Variants in FBXL17 observed in about 807,000 individuals in gnomAD.
The protein encoded by FBXL17 is F-box/LRR-repeat protein 17.
FBXL17 carries 22 observed loss-of-function variants against 66.2 expected under a neutral mutation model. The ratio of observed to expected loss-of-function variants is 0.33; its 90% CI spans 0.24 to 0.47. The LOEUF is 0.47. Ranked by LOEUF, FBXL17 falls within the 20% of genes least tolerant of loss-of-function variation. FBXL17 has a pLI of 1.00. For missense variants in FBXL17, 878 were observed against 948.2 expected (o/e 0.93, Z 0.97); for synonymous variants, 474 against 400.5 (o/e 1.18, Z -2.19).
chr5:108,024,890 G>C (rs755312851), intron 6 of FBXL17, among the ~76,000 whole-genome samples: 1 of 152,040 alleles, frequency 6.6e-6, no homozygotes, highest in Non-Finnish European at 1.5e-5. Flanking sequence ...TCAGTGGAGG[G>C]AAAATCTGTC....
intron 7 of FBXL17, among the ~76,000 whole-genome samples, chr5:107,944,370 T>C (rs1314506326): frequency 6.6e-6 from 1 of 152,180 alleles, no homozygotes; most frequent in East Asian, 1.9e-4. Flanking sequence ...AATTCTTCTA[T>C]GTGTCTGCTC....
At chr5:108,077,885 C>T (rs6871109) in intron 6 of FBXL17, among the ~76,000 whole-genome samples, 51,445 of 151,824 alleles carry the variant, frequency 0.34, 8,966 homozygotes, top group Admixed American at 0.42. Context: ...TCTTAAAGCC[C>T]TGAAAATGGA....
chr5:108,344,799 A>T (rs899803905), intron 4 of FBXL17, among the ~76,000 whole-genome samples: 4 of 152,210 alleles, frequency 2.6e-5, no homozygotes, highest in African/African-American at 4.8e-5. Context: ...TGCTCAAACT[A>T]AATATGACTT....
chr5:108,246,571 A>C (rs1756106526), intron 4 of FBXL17, among the ~76,000 whole-genome samples: 1 of 152,216 alleles, frequency 6.6e-6, no homozygotes. Flanking sequence ...TTGCATCCAG[A>C]GTCAAAAGGA....
chr5:107,978,072 A>G (rs1347416789), intron 7 of FBXL17, among the ~76,000 whole-genome samples: 1 of 152,200 alleles, frequency 6.6e-6, no homozygotes, highest in East Asian at 1.9e-4. Context: ...TTATTCAGTC[A>G]GCCTGCAGTG....
At chr5:107,869,188 C>A (rs1250398000) in intron 8 of FBXL17, among the ~76,000 whole-genome samples, 1 of 152,158 alleles carries the variant, frequency 6.6e-6, no homozygotes, top group African/African-American at 2.4e-5. Context: ...CTGCTAACAG[C>A]CCCAGAGGCT....
At chr5:108,205,723 T>TTTTTG (rs978095445) in intron 5 of FBXL17, among the ~76,000 whole-genome samples, 8 of 152,106 alleles carry the variant, frequency 5.3e-5, no homozygotes, top group Admixed American at 2.0e-4. Context: ...AGATTCAGGC[T>TTTTTG]TTTTGTTTTG....
chr5:108,006,961 G>A (rs1753949651), intron 7 of FBXL17, among the ~76,000 whole-genome samples: 1 of 152,172 alleles, frequency 6.6e-6, no homozygotes, highest in Admixed American at 6.5e-5. Context: ...GAATTTTGAA[G>A]ACATCAGGAG....
chr5:108,207,048 CATCA>C (rs1444766232), intron 5 of FBXL17, among the ~76,000 whole-genome samples: 3 of 152,098 alleles, frequency 2.0e-5, no homozygotes, highest in African/African-American at 4.8e-5. Flanking sequence ...CAGTTTAATT[CATCA>C]GTTAGGCATG....
intron 1 of FBXL17, among the ~76,000 whole-genome samples, chr5:108,378,269 CT>C (rs1426376123): frequency 6.7e-6 from 1 of 149,640 alleles, no homozygotes; most frequent in Non-Finnish European, 1.5e-5. Context: ...AAAAAACATC[CT>C]TTAAATTCTT....
At chr5:107,935,509 C>T (rs150444351) in intron 7 of FBXL17, among the ~76,000 whole-genome samples, 203 of 151,934 alleles carry the variant, frequency 1.3e-3, no homozygotes, top group African/African-American at 4.5e-3. Context: ...GGTAATGGAA[C>T]GCTTTTCACA....
chr5:107,982,785 G>C lies in FBXL17; in HGVS notation c.1822+38140C>G, dbSNP rs148259379. 7.3e-3 allele frequency among the ~76,000 whole-genome samples: 1,117 copies of C among 152,300 alleles called. 18 individuals carry two copies. The highest frequency in any genetic ancestry group is 0.023 in the African/African-American group (950 of 41,568). On this transcript the variant is annotated intron_variant, in intron 7 of 8. Coordinates refer to ENST00000542267, the MANE Select transcript of FBXL17 (RefSeq NM_001163315.3). The stretch of plus-strand genomic sequence containing the variant: ...AGGTGATGAATTATATTAATGCCCT[G>C]TTGTACTTTCATAATTAAGGGTCTG...
At chr5:108,113,275 G>A (rs907320763) in intron 6 of FBXL17, among the ~76,000 whole-genome samples, 12 of 152,212 alleles carry the variant, frequency 7.9e-5, no homozygotes, top group African/African-American at 2.9e-4. Context: ...TATTTTCTAA[G>A]TTAAAAGACG....
intron 4 of FBXL17, among the ~76,000 whole-genome samples, chr5:108,272,731 A>C (rs1280965864): frequency 6.6e-6 from 1 of 152,188 alleles, no homozygotes; most frequent in African/African-American, 2.4e-5. Flanking sequence ...GGATAAAATC[A>C]ATATTATTGT....
chr5:108,360,885 C>A (rs1169924186), intron 3 of FBXL17, among the ~76,000 whole-genome samples: 1 of 152,034 alleles, frequency 6.6e-6, no homozygotes, highest in African/African-American at 2.4e-5. Context: ...TGTTTTATTT[C>A]AGTTATTGTA....
At chr5:108,041,301 G>T (rs191772773) in intron 6 of FBXL17, among the ~76,000 whole-genome samples, 38 of 152,236 alleles carry the variant, frequency 2.5e-4, no homozygotes, top group Middle Eastern at 3.4e-3. Flanking sequence ...TCACAATTGG[G>T]TGTTAAGTAG....
At chr5:108,117,284 C>T (rs1467035681) in intron 6 of FBXL17, among the ~76,000 whole-genome samples, 1 of 152,076 alleles carries the variant, frequency 6.6e-6, no homozygotes, top group Non-Finnish European at 1.5e-5. Flanking sequence ...GAAAATTAAG[C>T]ATATTGGGGG....
intron 7 of FBXL17, among the ~76,000 whole-genome samples, chr5:107,954,636 GT>G (rs1343816136): frequency 6.6e-6 from 1 of 152,138 alleles, no homozygotes; most frequent in Admixed American, 6.5e-5. Context: ...AGTCCAAGAA[GT>G]TGACATACCA....
intron 4 of FBXL17, among the ~76,000 whole-genome samples, chr5:108,242,803 A>G (rs1383611440): frequency 6.6e-6 from 1 of 152,170 alleles, no homozygotes; most frequent in Non-Finnish European, 1.5e-5. Context: ...AATCATAACC[A>G]TAATACCATT....
Sources: allele counts gnomAD v4.1 joint callset (sites outside exome capture counted in the v4.1 genomes callset), GRCh38; gene constraint gnomAD v4.1.1; transcripts MANE v1.5; gene names NCBI Gene and HGNC (gene_info 2026-07-23, HGNC 2026-07-21).